The following XYLB variants were observed in gnomAD, a reference collection of about 807,000 sequenced individuals.
The protein encoded by XYLB is xylulose kinase.
A neutral mutation model predicts 78.7 loss-of-function variants in XYLB; 62 were observed. The ratio of observed to expected loss-of-function variants is 0.79; its 90% confidence interval spans 0.64 to 0.97. XYLB has a LOEUF of 0.97. XYLB is among the 50% of genes least tolerant of loss of function. The pLI is 0.00. For synonymous variants in XYLB, 245 were observed against 247.4 expected (o/e 0.99, Z 0.09); for missense variants, 687 against 676.8 (o/e 1.02, Z -0.17).
downstream of XYLB, among the ~76,000 whole-genome samples, chr3:38,419,603 T>TATATATATATATATATATAA (rs71085322): frequency 2.9e-3 from 232 of 80,760 alleles, 25 homozygotes; most frequent in Non-Finnish European, 5.0e-3. Context: ...TATATATATA[T>TATATATATATATATATATAA]AATAGCCATC....
intron 4 of XYLB, among the ~76,000 whole-genome samples, chr3:38,364,329 G>A (rs1285495446): frequency 6.6e-6 from 1 of 151,686 alleles, no homozygotes; most frequent in Non-Finnish European, 1.5e-5. Context: ...TTCTTCTCCA[G>A]GTCTCTACCG....
chr3:38,399,317 G>A lies in XYLB; in HGVS notation c.1439-1574G>A, dbSNP rs185874716. On this transcript the variant is annotated intron_variant, in intron 17 of 18. Coordinates refer to ENST00000207870, the MANE Select transcript of XYLB (RefSeq NM_005108.4). ...TCGCCATGTTGCCCAGGCTGAACTCGAACTCCTGGGCTCAAGTGATCCCAC... is the reference window on the plus strand; with the variant it reads ...TCGCCATGTTGCCCAGGCTGAACTCAAACTCCTGGGCTCAAGTGATCCCAC... 4.0e-5 allele frequency among the ~76,000 whole-genome samples: 6 copies of A among 151,892 alleles called. No homozygotes were observed. In the East Asian group the frequency reaches 9.8e-4, roughly 25 times the overall value.
rs1185974231 is a variant in XYLB, at chr3:38,395,512, G to A, written c.1299G>A (p.Lys433=). 1 of 1,614,190 alleles carries A rather than the reference G, an allele frequency of 6.2e-7. No individual in the cohort carries two copies. Among genetic ancestry groups the A allele is most frequent in the African/African-American group, 1.3e-5 (1 of 75,054 alleles). Reference sequence around the variant, plus strand: ...TTTTCTTTTCCCTTGCAGTGTCCAAGACAAAGATTTTGGCCACAGGAGGAG... The same window carrying A: ...TTTTCTTTTCCCTTGCAGTGTCCAAAACAAAGATTTTGGCCACAGGAGGAG... ...AEGLGYRVMS[K]TKILATGGAS... is the part of the protein sequence containing the mutation. The change falls in exon 16 of 19, where the codon AAG becomes AAA. Residue 433 remains lysine, a synonymous_variant. Transcript: ENST00000207870.
rs1031316915 is a variant in XYLB, at chr3:38,366,858, C to G, written c.558C>G (p.Ala186=). ...IAKIYQQNPE[A]YSHTERISLV... is the part of the protein sequence containing the mutation. ...AAATTTACCAGCAGAACCCCGAGGCCTACTCACATACGGAGGTTGGTTAAA... is the reference window on the plus strand; with the variant it reads ...AAATTTACCAGCAGAACCCCGAGGCGTACTCACATACGGAGGTTGGTTAAA... The change falls in exon 7 of 19, where the codon GCC becomes GCG. Residue 186 remains alanine (A), a synonymous_variant. Coordinates refer to ENST00000207870, the MANE Select transcript of XYLB (RefSeq NM_005108.4). 6.2e-7 allele frequency: 1 copy of G among 1,612,324 alleles called. No homozygotes were observed. The highest frequency in any genetic ancestry group is 8.5e-7 in the Non-Finnish European group (1 of 1,178,434).
chr3:38,433,623 C>G, the XYLB span, among the ~76,000 whole-genome samples: 2 of 152,220 alleles, frequency 1.3e-5, no homozygotes, highest in Non-Finnish European at 2.9e-5. Flanking sequence ...CTGCCAGTCT[C>G]TTTGCTAAAG....
In XYLB at chr3:38,366,917, C is replaced by A. The variant is rs377492623; in HGVS notation, c.573+44C>A. 1.8e-3 allele frequency: 2,431 copies of A among 1,346,298 alleles called. 58 individuals carry two copies. The South Asian group carries it at 0.027, about 15-fold the overall frequency. The allele number at this position is 1,346,298 out of a possible 1,614,324, so 83.4% of individuals were successfully genotyped here. On this transcript the variant is annotated intron_variant, in intron 7 of 18. Transcript: ENST00000207870. ...TTTGATTGAAAGTCACAGTTGAATT[C>A]TTTTCATAATATGTTAGAATAGATA... is the stretch of plus-strand genomic sequence containing the variant.
At chr3:38,383,677 G>C (rs146083125) in intron 15 of XYLB, among the ~76,000 whole-genome samples, 1 of 152,140 alleles carries the variant, frequency 6.6e-6, no homozygotes, top group African/African-American at 2.4e-5. Flanking sequence ...TGGGGGTGGG[G>C]TGGCAGGGGT....
intron 9 of XYLB, 149 bp from the exon 10 acceptor site, chr3:38,372,506 A>G (rs1706620992): frequency 2.0e-6 from 3 of 1,475,364 alleles, no homozygotes; most frequent in Admixed American, 2.2e-5. Flanking sequence ...TGTGACAGGA[A>G]GTGATGTGAC....
intron 2 of XYLB, chr3:38,357,056 G>A (rs891880346): frequency 2.6e-5 from 4 of 152,246 alleles, no homozygotes; most frequent in African/African-American, 4.8e-5. Flanking sequence ...CTGTCTGCAA[G>A]CTGGAAAGAG....
chr3:38,356,276 A>G (rs1705649770), intron 2 of XYLB: 1 of 152,914 alleles, frequency 6.5e-6, no homozygotes, highest in Admixed American at 6.5e-5. Context: ...AGAAAGAGAA[A>G]ATACTGTTTC....
chr3:38,398,065 A>G (rs376409120), intron 17 of XYLB, among the ~76,000 whole-genome samples: 6 of 151,282 alleles, frequency 4.0e-5, no homozygotes, highest in South Asian at 2.1e-4. Context: ...TGATCTGCCC[A>G]CCTTGGCCTC....
At chr3:38,437,638 G>A in the XYLB span, among the ~76,000 whole-genome samples, 1 of 152,162 alleles carries the variant, frequency 6.6e-6, no homozygotes, top group Non-Finnish European at 1.5e-5. Context: ...ATCTAGCTGA[G>A]AAATAAATCA....
chr3:38,434,856 G>T, the XYLB span, among the ~76,000 whole-genome samples: 2 of 152,222 alleles, frequency 1.3e-5, no homozygotes, highest in African/African-American at 2.4e-5. Flanking sequence ...ATTGGAGCTA[G>T]GTGTGGTGGC....
intron 14 of XYLB, 53 bp from the exon 15 acceptor site, chr3:38,379,193 A>G: frequency 6.4e-7 from 1 of 1,567,410 alleles, no homozygotes; most frequent in Non-Finnish European, 8.8e-7. Flanking sequence ...ACATACACAC[A>G]CGAATGGACA....
the XYLB span, among the ~76,000 whole-genome samples, chr3:38,441,597 C>T: frequency 6.6e-6 from 1 of 152,190 alleles, no homozygotes; most frequent in African/African-American, 2.4e-5. Context: ...AAGCACCAGT[C>T]CCTCAAGGAG....
At chr3:38,364,350 G>A (rs1706132974) in intron 4 of XYLB, among the ~76,000 whole-genome samples, 1 of 151,610 alleles carries the variant, frequency 6.6e-6, no homozygotes, top group African/African-American at 2.4e-5. Flanking sequence ...CAGCCTCCTT[G>A]CCTCCAGCCT....
chr3:38,400,614 A>G (rs772700832), intron 17 of XYLB, among the ~76,000 whole-genome samples: 8 of 152,174 alleles, frequency 5.3e-5, no homozygotes, highest in Non-Finnish European at 1.2e-4. Context: ...CACAACCACA[A>G]AGAGAAAGAC....
the XYLB span, among the ~76,000 whole-genome samples, chr3:38,444,468 C>A: frequency 6.6e-6 from 1 of 152,176 alleles, no homozygotes; most frequent in Non-Finnish European, 1.5e-5. Context: ...AAATTGCAAG[C>A]TTTGCATAGT....
intron 18 of XYLB, among the ~76,000 whole-genome samples, chr3:38,406,370 C>A (rs991488704): frequency 6.6e-6 from 1 of 152,156 alleles, no homozygotes; most frequent in Non-Finnish European, 1.5e-5. Flanking sequence ...GACATCCGCA[C>A]CAAAAACCCA....
Sources: allele counts gnomAD v4.1 joint callset (sites outside exome capture counted in the v4.1 genomes callset), GRCh38; gene constraint gnomAD v4.1.1; transcripts MANE v1.5; gene names NCBI Gene and HGNC (gene_info 2026-07-23, HGNC 2026-07-21).